TAF1: variants seen among roughly 807,000 people sequenced by gnomAD.
TAF1 encodes TATA-box binding protein associated factor 1.
A neutral mutation model predicts 138.5 loss-of-function variants in TAF1; 2 were observed. The ratio of observed to expected loss-of-function variants is 0.01; its 90% CI spans 0.01 to 0.05. The LOEUF (loss-of-function observed/expected upper bound fraction) is 0.05. TAF1 is among the 10% of genes least tolerant of loss of function. The pLI is 1.00. For synonymous variants in TAF1, 437 were observed against 503.2 expected (o/e 0.87, Z 1.76); for missense variants, 709 against 1,478.0 (o/e 0.48, Z 8.53).
At chrX:71,380,485 ACTC>A (rs1254010449) in intron 8 of TAF1, among the ~76,000 whole-genome samples, 1 of 110,205 alleles carries the variant, frequency 9.1e-6, no homozygotes, top group African/African-American at 3.3e-5. Flanking sequence ...GTCAGGCTGG[ACTC>A]CTGGGCTCAG....
At chrX:71,455,862 T>C (rs1008662058) in intron 34 of TAF1, among the ~76,000 whole-genome samples, 3 of 111,956 alleles carry the variant, frequency 2.7e-5, no homozygotes, top group African/African-American at 9.8e-5. Flanking sequence ...CTATGTGACC[T>C]CTGTTGGATT....
rs934715039 is a variant in TAF1 at position 71,421,297 on chromosome X, G to A, written c.4385-12G>A. The stretch of plus-strand genomic sequence containing the variant: ...GTTATTAGTGGTTTCATCTCTTTCT[G>A]TTCCTCTACAGGGCCAAAACACTCA... On this transcript the variant is annotated splice_polypyrimidine_tract_variant and intron_variant, in intron 28 of 37. Transcript: ENST00000423759. 2 of 1,199,707 alleles carry A rather than the reference G, an allele frequency of 1.7e-6. No individual in the cohort carries two copies. Among genetic ancestry groups the A allele is most frequent in the Non-Finnish European group, 1.1e-6 (1 of 887,405 alleles).
chrX:71,410,902 C>T (rs1569317553), intron 28 of TAF1, among the ~76,000 whole-genome samples: 2 of 111,485 alleles, frequency 1.8e-5, no homozygotes, highest in East Asian at 5.6e-4. Context: ...CCTGCCTCAC[C>T]CTCCTGAGTA....
intron 19 of TAF1, 57 bp downstream of exon 19, chrX:71,392,775 T>C (rs1352276522): frequency 2.4e-5 from 28 of 1,186,747 alleles, no homozygotes; most frequent in Non-Finnish European, 2.4e-5. Context: ...AATGGGTGAG[T>C]GGAGGACTTG....
At chrX:71,389,699 A>G in intron 18 of TAF1, 34 bp downstream of exon 18, 2 of 1,048,977 alleles carry the variant, frequency 1.9e-6, no homozygotes, top group Non-Finnish European at 2.6e-6. Flanking sequence ...TTAGTCATTA[A>G]TACATCTCAT....
At chrX:71,401,902 A>G (rs181732035) in intron 25 of TAF1, among the ~76,000 whole-genome samples, 163 bp downstream of exon 25, 38 of 111,714 alleles carry the variant, frequency 3.4e-4, no homozygotes, top group Non-Finnish European at 7.0e-4. Flanking sequence ...TGAAAATTAT[A>G]GCGCTGATTA....
At chrX:71,451,275 T>C (rs1285423955) in intron 32 of TAF1, among the ~76,000 whole-genome samples, 4 of 111,754 alleles carry the variant, frequency 3.6e-5, no homozygotes, top group South Asian at 7.4e-4. Context: ...AATCATCTTA[T>C]AGGTAAAAAT....
At position 71,379,105 on chromosome X, in the gene TAF1, A is replaced by ATT. The variant is rs916740866; in HGVS notation, c.1360+96_1360+97dup. On this transcript the variant is annotated intron_variant, in intron 8 of 37. Coordinates refer to ENST00000423759, the MANE Select transcript of TAF1 (RefSeq NM_004606.5). ...GTCACCATAAGTGGGCTCAGCTGTG[A>ATT]TTTTTTTTTTTTTTTTTTTTTTTCG... 9.9e-3 allele frequency: 4,707 copies of ATT among 476,028 alleles called. 11 individuals are homozygous for ATT. Among genetic ancestry groups the ATT allele is most frequent in the Admixed American group, 0.012 (196 of 15,932 alleles). 39.2% of individuals were successfully genotyped at this position (476,028 alleles called of 1,213,427 possible).
Position 71,406,647 on chromosome X carries a change from G to A in TAF1, c.4008G>A (p.Glu1336=), listed in dbSNP as rs1248125004. ...LGKQLIESAD[E]VRRKSLVLKF... is the part of the protein sequence containing the mutation. Reference sequence around the variant, plus strand: ...AGTGTTTTGATTTTAGTGCGGATGAGGTTCGCAGAAAATCTCTGGTTCTCA... The same window carrying A: ...AGTGTTTTGATTTTAGTGCGGATGAAGTTCGCAGAAAATCTCTGGTTCTCA... Residue 1336 remains glutamate, a synonymous_variant, in exon 26 of 38, where the codon GAG becomes GAA. Transcript: ENST00000423759. The A allele has an allele frequency of 8.3e-7, 1 of 1,208,056 alleles. No individual in the cohort carries two copies. The highest frequency in any genetic ancestry group is 1.1e-6 in the Non-Finnish European group (1 of 894,408).
At chrX:71,448,698 C>T (rs2037807815) in intron 32 of TAF1, among the ~76,000 whole-genome samples, 1 of 111,370 alleles carries the variant, frequency 9.0e-6, no homozygotes, top group South Asian at 3.7e-4. Flanking sequence ...CTAAAACTGA[C>T]ACAAACAGCT....
chrX:71,421,897 G>T (rs773246463), intron 29 of TAF1, among the ~76,000 whole-genome samples: 32 of 112,365 alleles, frequency 2.8e-4, no homozygotes, highest in African/African-American at 8.7e-4. Flanking sequence ...CAACTAGCCA[G>T]TAAACACGGA....
At chrX:71,387,531 G>C in intron 15 of TAF1, 70 bp downstream of exon 15, 1 of 1,144,208 alleles carries the variant, frequency 8.7e-7, no homozygotes, top group Non-Finnish European at 1.2e-6. Flanking sequence ...GGGCATGGCG[G>C]CTCATGGCTG....
chrX:71,380,784 A>G (rs919555282), intron 8 of TAF1, among the ~76,000 whole-genome samples: 2 of 111,231 alleles, frequency 1.8e-5, no homozygotes, highest in Non-Finnish European at 3.8e-5. Context: ...TCTGCCTCCC[A>G]GGTTGAAGTG....
intron 32 of TAF1, among the ~76,000 whole-genome samples, chrX:71,437,724 A>C: frequency 9.3e-6 from 1 of 108,107 alleles, no homozygotes; most frequent in Middle Eastern, 4.8e-3. Context: ...GAGAAGAAAA[A>C]CTTCCCCCGA....
At chrX:71,371,052 C>G (rs5980757) in intron 3 of TAF1, among the ~76,000 whole-genome samples, 8,251 of 111,263 alleles carry the variant, frequency 0.074, 678 homozygotes, top group African/African-American at 0.25. Flanking sequence ...ACTGGGGGGA[C>G]ATGGTGGCAG....
At chrX:71,370,289 G>T (rs2032949759) in intron 3 of TAF1, among the ~76,000 whole-genome samples, 1 of 110,997 alleles carries the variant, frequency 9.0e-6, no homozygotes, top group South Asian at 3.8e-4. Context: ...GAATCTAGAG[G>T]TATTGGTCCA....
chrX:71,441,358 C>T (rs953748569), intron 32 of TAF1, among the ~76,000 whole-genome samples: 5 of 110,765 alleles, frequency 4.5e-5, no homozygotes, highest in Admixed American at 3.9e-4. Context: ...TGAAAAACAG[C>T]ATAAGAAATT....
chrX:71,377,411 T>C (rs1385909007), intron 5 of TAF1, among the ~76,000 whole-genome samples, 192 bp from the exon 6 acceptor site: 1 of 111,761 alleles, frequency 8.9e-6, no homozygotes, highest in African/African-American at 3.3e-5. Flanking sequence ...TTCTCTGTTA[T>C]CTTAAAAGAA....
chrX:71,418,051 T>G (rs1194424662), intron 28 of TAF1, among the ~76,000 whole-genome samples: 1 of 112,149 alleles, frequency 8.9e-6, no homozygotes, highest in Non-Finnish European at 1.9e-5. Flanking sequence ...TTGCAATAAT[T>G]TATTTTCAAG....
Sources: gnomAD v4.1 joint callset for allele counts (sites outside exome capture counted in the v4.1 genomes callset) on GRCh38, gnomAD v4.1.1 for gene constraint, MANE v1.5 for transcripts, NCBI Gene and HGNC (gene_info 2026-07-23, HGNC 2026-07-21) for gene names.